The following KDM4B variants were observed in gnomAD, a reference collection of about 807,000 sequenced individuals.
KDM4B encodes lysine-specific demethylase 4B.
A neutral mutation model predicts 125.2 loss-of-function variants in KDM4B; 32 were observed. That is an observed-to-expected ratio of 0.26 (90% CI 0.19 to 0.34). KDM4B has a LOEUF of 0.34. Among genes scored for constraint, KDM4B ranks in the 10% least tolerant of loss-of-function variants. The probability of loss-of-function intolerance (pLI) is 1.00; values close to 1 mark genes in which losing one functional copy is unlikely to be tolerated. For synonymous variants in KDM4B, 721 were observed against 677.9 expected, an observed-to-expected ratio of 1.06 and a Z score of -0.99; for missense variants, 1,190 against 1,577.7, an observed-to-expected ratio of 0.75 and a Z score of 4.16.
chr19:4,991,049 C>T (rs1412928899), intron 1 of KDM4B, among the ~76,000 whole-genome samples: 4 of 152,206 alleles, frequency 2.6e-5, no homozygotes, highest in East Asian at 1.9e-4. Context: ...ACCCAGGAGG[C>T]GGAGGATGCA....
intron 21 of KDM4B, among the ~76,000 whole-genome samples, chr19:5,148,858 C>G (rs2039896995): frequency 6.6e-6 from 1 of 152,236 alleles, no homozygotes; most frequent in Non-Finnish European, 1.5e-5. Flanking sequence ...TGGCTTTCCT[C>G]TACAAATGAG....
intron 16 of KDM4B, 26 bp from the exon 17 acceptor site, chr19:5,137,595 C>A: frequency 6.3e-7 from 1 of 1,596,452 alleles, no homozygotes; most frequent in South Asian, 1.1e-5. Context: ...GAGCCCTGCT[C>A]ATCCAGGGCT....
At chr19:5,131,749 C>T in intron 12 of KDM4B, 138 bp from the exon 13 acceptor site, 1 of 1,002,442 alleles carries the variant, frequency 1.0e-6, no homozygotes, top group Non-Finnish European at 1.5e-6. Flanking sequence ...CAGAGGAGCC[C>T]TGTGGTTCTT....
chr19:5,077,536 G>A (rs972081371), intron 8 of KDM4B, 66 bp downstream of exon 8: 8 of 1,322,594 alleles, frequency 6.0e-6, no homozygotes, highest in Admixed American at 3.4e-5. Flanking sequence ...CCAGGTGGCC[G>A]CACATACCCC....
At chr19:5,121,254 G>A (rs1287690650) in intron 11 of KDM4B, among the ~76,000 whole-genome samples, 2 of 152,178 alleles carry the variant, frequency 1.3e-5, no homozygotes, top group Non-Finnish European at 2.9e-5. Flanking sequence ...AGCAGAGGCC[G>A]GGGGTGAGTT....
In KDM4B at chr19:5,024,460, C is replaced by T. The variant is rs556966949; in HGVS notation, c.-26+8121C>T. ...GCAGCCCAGGCTGGAGCGTGCGGCC[C>T]TGCTCAGCCGGGCCGGAAGCGTCCC... On this transcript the variant is annotated intron_variant, in intron 2 of 22. Coordinates refer to ENST00000159111, the MANE Select transcript of KDM4B (RefSeq NM_015015.3). 2.7e-4 allele frequency among the ~76,000 whole-genome samples: 41 copies of T among 152,234 alleles called. No homozygotes were observed. In the South Asian group the frequency reaches 3.7e-3, roughly 14 times the overall value.
At chr19:5,044,110 G>A (rs2531133) in intron 5 of KDM4B, among the ~76,000 whole-genome samples, 13 of 65,724 alleles carry the variant, frequency 2.0e-4, no homozygotes, top group African/African-American at 5.2e-4. Flanking sequence ...ACCTTATCCC[G>A]CGTGGTGTTT....
At chr19:5,051,711 AG>A (rs1050277684) in intron 6 of KDM4B, among the ~76,000 whole-genome samples, 2 of 152,204 alleles carry the variant, frequency 1.3e-5, no homozygotes, top group Non-Finnish European at 2.9e-5. Flanking sequence ...GCTTGTCAGA[AG>A]GGGGGTCATC....
chr19:5,101,530 GA>G (rs941060505), intron 9 of KDM4B, among the ~76,000 whole-genome samples: 24 of 140,624 alleles, frequency 1.7e-4, no homozygotes, highest in African/African-American at 3.4e-4. Context: ...AAGACTGTCT[GA>G]AAAAAAAAAA....
Position 4,993,995 on chromosome 19 carries a change from C to A in KDM4B, c.-108-22262C>A, listed in dbSNP as rs180933257. 1.1e-4 allele frequency among the ~76,000 whole-genome samples: 15 copies of A among 133,842 alleles called. No homozygotes were observed. In the South Asian group the frequency reaches 3.6e-3, roughly 32 times the overall value. The allele number at this position is 133,842 out of a possible 152,430, so 87.8% of individuals were successfully genotyped here. On this transcript the variant is annotated intron_variant, in intron 1 of 22. Coordinates refer to ENST00000159111, the MANE Select transcript of KDM4B (RefSeq NM_015015.3). Reference sequence around the variant, plus strand: ...TTATGGTTCCTGTTTGCATGTTACACGTTTAATTTTTATATTTTCAGCCTG... The same window carrying A: ...TTATGGTTCCTGTTTGCATGTTACAAGTTTAATTTTTATATTTTCAGCCTG...
At chr19:5,018,459 G>A (rs951201846) in intron 2 of KDM4B, among the ~76,000 whole-genome samples, 13 of 152,234 alleles carry the variant, frequency 8.5e-5, no homozygotes, top group African/African-American at 2.9e-4. Flanking sequence ...TCCTGCTTCC[G>A]AAGGCCTGGA....
At position 5,141,338 on chromosome 19, in the gene KDM4B, A is replaced by T. The variant is rs1344270833; in HGVS notation, c.2551-2629A>T. On this transcript the variant is annotated intron_variant, in intron 18 of 22. Transcript: ENST00000159111. This position sits in a 1 kb window ranked among gnomAD's most constrained non-coding sequence, Gnocchi z 6.4. Reference sequence around the variant, plus strand: ...CCGAGGCACCAGTGACTCAGTCCACAAACGTGGGCGTAAAAGGCCTCATGA... The same window carrying T: ...CCGAGGCACCAGTGACTCAGTCCACTAACGTGGGCGTAAAAGGCCTCATGA... 3 of 152,192 alleles carry T rather than the reference A, an allele frequency of 2.0e-5. No individual in the cohort carries two copies. The highest frequency in any genetic ancestry group is 4.4e-5 in the Non-Finnish European group (3 of 68,024). 9.4% of individuals were successfully genotyped at this position (152,192 alleles called of 1,614,324 possible).
chr19:5,023,908 C>G (rs2036201373), intron 2 of KDM4B, among the ~76,000 whole-genome samples: 1 of 151,730 alleles, frequency 6.6e-6, no homozygotes, highest in South Asian at 2.1e-4. Context: ...GTGTGCACCA[C>G]CACGCCTGGC....
At position 5,131,768 on chromosome 19, in the gene KDM4B, C is replaced by G. The variant is rs1343490695; in HGVS notation, c.1786-119C>G. 2.4e-6 allele frequency: 3 copies of G among 1,258,766 alleles called. No individual in the cohort carries two copies. In the African/African-American group the frequency reaches 4.5e-5, roughly 19 times the overall value. 78.0% of individuals were successfully genotyped at this position (1,258,766 alleles called of 1,614,324 possible). A position where few individuals can be genotyped will look rare whatever the true frequency, so the allele number is the denominator to read the frequency against. ...GGAGCCCTGTGGTTCTTTGCTGGGA[C>G]AGTCACCCCAGGAGAGGAGACTCAG... On this transcript the variant is annotated intron_variant, in intron 12 of 22. Transcript: ENST00000159111.
intron 10 of KDM4B, chr19:5,119,059 G>T: frequency 9.5e-7 from 1 of 1,056,138 alleles, no homozygotes; most frequent in Non-Finnish European, 1.4e-6. Flanking sequence ...CCAGGACCAG[G>T]CGTCCTGGGG....
chr19:5,130,937 C>T, intron 11 of KDM4B, 139 bp from the exon 12 acceptor site: 2 of 640,616 alleles, frequency 3.1e-6, no homozygotes, highest in Non-Finnish European at 2.6e-6. Context: ...GTGTTCTCTG[C>T]CCACCCATGT....
intron 1 of KDM4B, among the ~76,000 whole-genome samples, chr19:4,977,868 G>C (rs974783159): frequency 2.6e-5 from 4 of 152,160 alleles, no homozygotes; most frequent in Non-Finnish European, 5.9e-5. Flanking sequence ...GAGTGAGGGG[G>C]CGCCACCCTG....
At chr19:5,102,348 C>T (rs894346870) in intron 9 of KDM4B, among the ~76,000 whole-genome samples, 1 of 152,198 alleles carries the variant, frequency 6.6e-6, no homozygotes, top group Admixed American at 6.5e-5. Flanking sequence ...TGGCCTCCTT[C>T]CTGCAGTTGC....
At chr19:4,979,166 C>T (rs901963750) in intron 1 of KDM4B, among the ~76,000 whole-genome samples, 6 of 152,102 alleles carry the variant, frequency 3.9e-5, no homozygotes, top group African/African-American at 1.2e-4. Context: ...GTCTGTAGTC[C>T]CAGCTACTCG....
Sources: gnomAD v4.1 joint callset for allele counts (sites outside exome capture counted in the v4.1 genomes callset) on GRCh38, gnomAD v4.1.1 for gene constraint, Gnocchi (gnomAD v3.1) non-coding constraint, MANE v1.5 for transcripts, NCBI Gene and HGNC (gene_info 2026-07-23, HGNC 2026-07-21) for gene names.